Variants in LMBR1 observed in about 807,000 individuals in gnomAD.
LMBR1 encodes the protein limb development membrane protein 1.
LMBR1 carries 52 observed loss-of-function variants against 73.9 expected under a neutral mutation model. The observed-to-expected ratio is 0.70, with a 90% confidence interval of 0.56 to 0.89. LMBR1 has a LOEUF of 0.89. LMBR1 is among the 40% of genes least tolerant of loss of function. The pLI is 0.00. For missense variants in LMBR1, 539 were observed against 579.8 expected (o/e 0.93, Z 0.72); for synonymous variants, 215 against 209.4 (o/e 1.03, Z -0.23).
intron 1 of LMBR1, among the ~76,000 whole-genome samples, chr7:156,838,376 C>CA (rs1838042641): frequency 6.6e-6 from 1 of 152,168 alleles, no homozygotes; most frequent in Non-Finnish European, 1.5e-5. Flanking sequence ...TCCAAGCCCC[C>CA]ACCCCTAGTC....
intron 1 of LMBR1, among the ~76,000 whole-genome samples, chr7:156,886,441 A>T (rs1262338300): frequency 1.3e-5 from 2 of 152,212 alleles, no homozygotes; most frequent in Non-Finnish European, 2.9e-5. Context: ...TTAACATCTA[A>T]AAGGATTACA....
intron 9 of LMBR1, among the ~76,000 whole-genome samples, chr7:156,755,573 A>G (rs987991307): frequency 6.6e-6 from 1 of 152,228 alleles, no homozygotes; most frequent in African/African-American, 2.4e-5. Context: ...ATTTATTATA[A>G]TATTTACTGC....
At chr7:156,713,472 G>A (rs1417623138) in intron 15 of LMBR1, among the ~76,000 whole-genome samples, 1 of 152,138 alleles carries the variant, frequency 6.6e-6, no homozygotes, top group African/African-American at 2.4e-5. Flanking sequence ...CAGTGGGGAA[G>A]GCTCTGCATG....
chr7:156,881,702 C>A (rs1004301141), intron 1 of LMBR1, among the ~76,000 whole-genome samples: 9 of 151,802 alleles, frequency 5.9e-5, no homozygotes, highest in Non-Finnish European at 1.5e-5. Flanking sequence ...GACATACAAA[C>A]AGCCAACATG....
Position 156,876,591 on chromosome 7 carries a change from T to C in LMBR1, c.66+16337A>G, listed in dbSNP as rs187474700. 2.0e-4 allele frequency among the ~76,000 whole-genome samples: 31 copies of C among 152,190 alleles called. No homozygotes were observed. The East Asian group carries it at 2.5e-3, about 12-fold the overall frequency. On this transcript the variant is annotated intron_variant, in intron 1 of 16. Transcript: ENST00000353442. ...AGGACACAAAACAAGTCTTAATAAA[T>C]TTAAGAAAATTGAAATTATACCAAG...
chr7:156,874,075 C>T (rs1245410043), intron 1 of LMBR1, among the ~76,000 whole-genome samples: 1 of 152,238 alleles, frequency 6.6e-6, no homozygotes, highest in Non-Finnish European at 1.5e-5. Flanking sequence ...GTCGGGGAGG[C>T]TCAGGCCGCA....
intron 1 of LMBR1, among the ~76,000 whole-genome samples, chr7:156,839,004 A>ATC (rs1838161669): frequency 6.9e-6 from 1 of 145,844 alleles, no homozygotes; most frequent in Non-Finnish European, 1.5e-5. Context: ...CCTATTGGCC[A>ATC]TCTGTATGTC....
At chr7:156,744,900 T>A (rs1446913631) in intron 9 of LMBR1, among the ~76,000 whole-genome samples, 1 of 152,206 alleles carries the variant, frequency 6.6e-6, no homozygotes, top group Non-Finnish European at 1.5e-5. Context: ...CTTTGGCTCA[T>A]GGTCCCTTCC....
At chr7:156,712,950 T>C (rs1480788007) in intron 15 of LMBR1, among the ~76,000 whole-genome samples, 1 of 152,200 alleles carries the variant, frequency 6.6e-6, no homozygotes, top group East Asian at 1.9e-4. Context: ...AAGCCCTGAC[T>C]ACACCATTAC....
intron 4 of LMBR1, among the ~76,000 whole-genome samples, chr7:156,671,151 T>C (rs370014263): frequency 7.9e-5 from 12 of 152,250 alleles, no homozygotes; most frequent in South Asian, 4.1e-4. Context: ...AGAGAATGAA[T>C]AGAAAACTTT....
intron 1 of LMBR1, among the ~76,000 whole-genome samples, chr7:156,880,687 C>T (rs1348793410): frequency 6.6e-6 from 1 of 152,094 alleles, no homozygotes; most frequent in African/African-American, 2.4e-5. Flanking sequence ...GAGTCTCACT[C>T]TGCCACCAAG....
At chr7:156,825,235 A>G (rs1357189090) in intron 4 of LMBR1, among the ~76,000 whole-genome samples, 1 of 152,258 alleles carries the variant, frequency 6.6e-6, no homozygotes, top group African/African-American at 2.4e-5. Flanking sequence ...TTACCTTAAA[A>G]TGAGATGAAG....
At chr7:156,707,409 C>T (rs1811197482) in intron 15 of LMBR1, among the ~76,000 whole-genome samples, 2 of 152,010 alleles carry the variant, frequency 1.3e-5, no homozygotes, top group Admixed American at 6.6e-5. Context: ...ACTCTGATAC[C>T]CAAACAGACA....
At chr7:156,804,195 T>C (rs1831565200) in intron 4 of LMBR1, among the ~76,000 whole-genome samples, 1 of 152,120 alleles carries the variant, frequency 6.6e-6, no homozygotes, top group South Asian at 2.1e-4. Flanking sequence ...ATTATACAAA[T>C]GGATTGTGTG....
chr7:156,841,350 C>T (rs1193403541), intron 1 of LMBR1, among the ~76,000 whole-genome samples: 1 of 152,036 alleles, frequency 6.6e-6, no homozygotes, highest in Non-Finnish European at 1.5e-5. Context: ...GAAGAAAGGG[C>T]CAGGCCATAA....
intron 5 of LMBR1, chr7:156,779,856 G>A: frequency 2.9e-6 from 1 of 339,162 alleles, no homozygotes; most frequent in Non-Finnish European, 6.0e-6. Flanking sequence ...TTAACAAAAA[G>A]GGTCTCTCAG....
intron 9 of LMBR1, among the ~76,000 whole-genome samples, chr7:156,755,841 T>G (rs1344972665): frequency 6.6e-6 from 1 of 152,224 alleles, no homozygotes; most frequent in Non-Finnish European, 1.5e-5. Flanking sequence ...AAATTCACTA[T>G]TTGTAACTGA....
intron 1 of LMBR1, among the ~76,000 whole-genome samples, chr7:156,875,738 T>C (rs1800060218): frequency 6.6e-6 from 1 of 152,134 alleles, no homozygotes. Flanking sequence ...GAAGGAAAGA[T>C]ACAGTCTTTT....
rs1481463723 is a variant in LMBR1, at chr7:156,735,615, T to G, written c.758-1358A>C. On this transcript the variant is annotated intron_variant, in intron 9 of 16. Transcript: ENST00000353442. ...ACTGGGAGGTTCTGTTTGCTAGGGT[T>G]TTTTTGTTTTTGTTTTTGTTTTTCA... 2.6e-5 allele frequency among the ~76,000 whole-genome samples: 4 copies of G among 151,074 alleles called. No homozygotes were observed. The East Asian group carries it at 7.9e-4, about 30-fold the overall frequency.
Sources: gnomAD v4.1 joint callset for allele counts (sites outside exome capture counted in the v4.1 genomes callset) on GRCh38, gnomAD v4.1.1 for gene constraint, MANE v1.5 for transcripts, NCBI Gene and HGNC (gene_info 2026-07-23, HGNC 2026-07-21) for gene names.